Variants in TTC3 observed in about 807,000 individuals in gnomAD.
TTC3 encodes E3 ubiquitin-protein ligase TTC3.
In TTC3, 180 loss-of-function variants were observed where a neutral mutation model predicts 249.6. The observed-to-expected ratio is 0.72, with a 90% CI of 0.64 to 0.82. The LOEUF (loss-of-function observed/expected upper bound fraction) is 0.82, where lower values mean the gene tolerates loss of function less well. TTC3 is among the 40% of genes least tolerant of loss of function. TTC3 has a pLI of 0.00. For missense variants in TTC3, 2,061 were observed against 2,398.4 expected, an observed-to-expected ratio of 0.86 and a Z score of 2.94; for synonymous variants, 717 against 805.0, an observed-to-expected ratio of 0.89 and a Z score of 1.85.
intron 35 of TTC3, among the ~76,000 whole-genome samples, chr21:37,174,471 C>T (rs2835647): frequency 0.53 from 81,113 of 151,968 alleles, 22,293 homozygotes; most frequent in African/African-American, 0.64. Flanking sequence ...ATGGTGGTTA[C>T]GCTCATAGCT....
At chr21:37,087,868 G>A in exon 3 of TTC3, 2 of 1,597,622 alleles carry the variant, frequency 1.3e-6, no homozygotes, top group Non-Finnish European at 1.7e-6. Flanking sequence ...AAAGTGAGAG[G>A]AATTTGGGTG....
chr21:37,132,038 A>G (rs1048503951), intron 16 of TTC3, among the ~76,000 whole-genome samples: 5 of 152,282 alleles, frequency 3.3e-5, no homozygotes, highest in Admixed American at 2.6e-4. Context: ...GATCAAGGCA[A>G]ATACCCCTTA....
intron 33 of TTC3, among the ~76,000 whole-genome samples, chr21:37,167,000 A>T (rs2148079157): frequency 6.6e-6 from 1 of 152,316 alleles, no homozygotes; most frequent in East Asian, 1.9e-4. Flanking sequence ...TGCCAGTTAC[A>T]GGAGGGCCCA....
chr21:37,165,680 C>G (rs1186227468), exon 33 of TTC3: 1 of 1,613,936 alleles, frequency 6.2e-7, no homozygotes, highest in Admixed American at 1.7e-5. Context: ...AAAACCTTTT[C>G]TCTTGGGATG....
At chr21:37,086,247 C>T (rs2072454553) in intron 1 of TTC3, 3 of 151,994 alleles carry the variant, frequency 2.0e-5, no homozygotes, top group African/African-American at 4.8e-5. Flanking sequence ...TTGGTTTATC[C>T]TAATAATAGT....
intron 11 of TTC3, among the ~76,000 whole-genome samples, chr21:37,110,231 A>C (rs2075526808): frequency 9.4e-6 from 1 of 106,512 alleles, no homozygotes; most frequent in Non-Finnish European, 2.2e-5. Context: ...GAGTTGAGAG[A>C]GGAAGGCTTC....
intron 30 of TTC3, among the ~76,000 whole-genome samples, chr21:37,161,540 C>T (rs1247752027): frequency 2.5e-5 from 3 of 121,260 alleles, no homozygotes; most frequent in Admixed American, 9.1e-5. Context: ...GCCTTACAGG[C>T]GTGAGCCACT....
chr21:37,179,726 C>T (rs2082586628), intron 35 of TTC3, among the ~76,000 whole-genome samples: 1 of 151,990 alleles, frequency 6.6e-6, no homozygotes, highest in Non-Finnish European at 1.5e-5. Context: ...GGTAGAACTC[C>T]TGGGCTCAAG....
intron 10 of TTC3, chr21:37,098,924 C>G (rs1252033857): frequency 1.3e-5 from 2 of 152,150 alleles, no homozygotes; most frequent in Non-Finnish European, 2.9e-5. Context: ...CTGTGGAAAT[C>G]TGGCTGAGCA....
chr21:37,166,773 G>A (rs185635362), intron 33 of TTC3, among the ~76,000 whole-genome samples, 158 bp downstream of exon 33: 54 of 152,290 alleles, frequency 3.5e-4, no homozygotes, highest in Admixed American at 2.8e-3. Flanking sequence ...GAACTCTTTT[G>A]TGAGGCATGA....
At chr21:37,172,161 CCAG>C (rs1569138230) in intron 34 of TTC3, among the ~76,000 whole-genome samples, 2 of 151,940 alleles carry the variant, frequency 1.3e-5, no homozygotes, top group South Asian at 2.1e-4. Context: ...TTTGAAATAA[CCAG>C]CAACTATTTA....
At chr21:37,114,752 A>G (rs993532472) in intron 11 of TTC3, among the ~76,000 whole-genome samples, 1 of 152,156 alleles carries the variant, frequency 6.6e-6, no homozygotes, top group Non-Finnish European at 1.5e-5. Context: ...TTGTGGCAGT[A>G]TTCACAATAG....
chr21:37,073,596 C>A, intron 1 of TTC3, 123 bp downstream of exon 1: 1 of 744,272 alleles, frequency 1.3e-6, no homozygotes, highest in Non-Finnish European at 1.6e-6. Context: ...TGGGTTTGCC[C>A]CCTTGGTCTG....
chr21:37,104,588 CA>C (rs141618903), intron 10 of TTC3, among the ~76,000 whole-genome samples: 3,097 of 104,178 alleles, frequency 0.03, 81 homozygotes, highest in African/African-American at 0.1. Flanking sequence ...AACTCCGTCT[CA>C]AAAAAAAAAA....
exon 25 of TTC3, chr21:37,150,827 A>G: frequency 6.2e-7 from 1 of 1,611,152 alleles, no homozygotes; most frequent in Non-Finnish European, 8.5e-7. Context: ...AAGTTTGAAC[A>G]CAAGGTCATA....
chr21:37,148,238 G>A (rs1170776606), intron 22 of TTC3, among the ~76,000 whole-genome samples: 1 of 152,146 alleles, frequency 6.6e-6, no homozygotes, highest in African/African-American at 2.4e-5. Context: ...CAAATCTAAA[G>A]GTCATTGTGA....
At chr21:37,121,089 T>C (rs988550049) in intron 11 of TTC3, 7 of 152,216 alleles carry the variant, frequency 4.6e-5, no homozygotes, top group African/African-American at 1.7e-4. Context: ...CAGGTTTTGG[T>C]ACTGTTAGCT....
At chr21:37,176,585 C>T (rs1362587127) in intron 35 of TTC3, among the ~76,000 whole-genome samples, 4 of 152,212 alleles carry the variant, frequency 2.6e-5, no homozygotes, top group Admixed American at 2.0e-4. Flanking sequence ...GGATTCTCCT[C>T]TTCAGTCATG....
rs2077834645 is a variant in TTC3 at position 37,135,355 on chromosome 21, C to G, written c.1444-25C>G. 4 of 1,592,106 alleles carry G rather than the reference C, an allele frequency of 2.5e-6. No homozygotes were observed. In the South Asian group the frequency reaches 4.5e-5, roughly 18 times the overall value. On this transcript the variant is annotated intron_variant, in intron 17 of 45. Transcript: ENST00000355666. Reference sequence around the variant, plus strand: ...ATTAAAAATGTGTAGATTCAGGTTACTGAAATAGAATTTCTTTTTTCCAGG... The same window carrying G: ...ATTAAAAATGTGTAGATTCAGGTTAGTGAAATAGAATTTCTTTTTTCCAGG...
Sources: gnomAD v4.1 joint callset for allele counts (sites outside exome capture counted in the v4.1 genomes callset) on GRCh38, gnomAD v4.1.1 for gene constraint, MANE v1.5 for transcripts, NCBI Gene and HGNC (gene_info 2026-07-23, HGNC 2026-07-21) for gene names.